ST8SIA1: variants seen among roughly 807,000 people sequenced by gnomAD.
ST8SIA1 encodes the protein ST8 alpha-N-acetyl-neuraminide alpha-2,8-sialyltransferase 1, also known as alpha-N-acetylneuraminide alpha-2,8-sialyltransferase.
A neutral mutation model predicts 35.9 loss-of-function variants in ST8SIA1; 16 were observed. That is an observed-to-expected ratio of 0.45 (90% CI 0.30 to 0.68). ST8SIA1 has a LOEUF of 0.68. ST8SIA1 is among the 30% of genes least tolerant of loss of function. The pLI is 0.09. For synonymous variants in ST8SIA1, 170 were observed against 169.6 expected (o/e 1.00, Z -0.02); for missense variants, 383 against 453.6 (o/e 0.84, Z 1.41).
chr12:22,292,578 G>C (rs1009110789), intron 1 of ST8SIA1, among the ~76,000 whole-genome samples: 1 of 151,978 alleles, frequency 6.6e-6, no homozygotes, highest in Non-Finnish European at 1.5e-5. Flanking sequence ...CCATAAAAAG[G>C]AGGAAATCAT....
chr12:22,306,168 C>T (rs1408352464), intron 1 of ST8SIA1, among the ~76,000 whole-genome samples: 1 of 152,128 alleles, frequency 6.6e-6, no homozygotes, highest in Non-Finnish European at 1.5e-5. Context: ...TTACATCTTA[C>T]ATATGTTGAT....
chr12:22,333,818 G>A (rs952697834), intron 1 of ST8SIA1, 179 bp downstream of exon 1: 1 of 774,848 alleles, frequency 1.3e-6, no homozygotes, highest in African/African-American at 1.7e-5. Flanking sequence ...GGGTGGGGAA[G>A]GAACCCTGAC....
chr12:22,319,457 C>T (rs1454689931), intron 1 of ST8SIA1, among the ~76,000 whole-genome samples: 4 of 152,186 alleles, frequency 2.6e-5, no homozygotes, highest in African/African-American at 4.8e-5. Flanking sequence ...ACCTGATACA[C>T]GAGGAGCAAT....
chr12:22,273,895 A>C (rs922635446), intron 2 of ST8SIA1, among the ~76,000 whole-genome samples: 5 of 152,172 alleles, frequency 3.3e-5, no homozygotes, highest in African/African-American at 1.2e-4. Context: ...AAGAGAAGGC[A>C]ACTTCAATCA....
At chr12:22,317,496 C>T (rs1009023084) in intron 1 of ST8SIA1, among the ~76,000 whole-genome samples, 1 of 152,294 alleles carries the variant, frequency 6.6e-6, no homozygotes, top group African/African-American at 2.4e-5. Flanking sequence ...CTAAAGGATA[C>T]GCTTCCTAGT....
chr12:22,226,337 T>C (rs57888676), intron 4 of ST8SIA1, among the ~76,000 whole-genome samples: 31,694 of 152,040 alleles, frequency 0.21, 3,592 homozygotes, highest in South Asian at 0.33. Context: ...ATTTTTCTGA[T>C]TGGATGCTTG....
rs143601132 is a variant in ST8SIA1 at position 22,194,310 on chromosome 12, C to T, written c.*7242G>A. On this transcript the variant is annotated 3_prime_UTR_variant, in exon 5 of 5. Transcript: ENST00000396037. The stretch of plus-strand genomic sequence containing the variant: ...ACATTAATCCTCTTGCAGTTATCAC[C>T]TATGGAGCTTCCTACTAGAAGGTTC... 3.9e-4 allele frequency: 59 copies of T among 152,270 alleles called. No homozygotes were observed. Among genetic ancestry groups the T allele is most frequent in the East Asian group, 2.7e-3 (14 of 5,174 alleles). The allele number at this position is 152,270 out of a possible 1,614,324, so 9.4% of individuals were successfully genotyped here.
chr12:22,325,996 GC>G, intron 1 of ST8SIA1: 2 of 630,618 alleles, frequency 3.2e-6, no homozygotes, highest in Admixed American at 5.5e-5. Context: ...ATCTCATCAC[GC>G]TACTCAAAAC....
chr12:22,274,936 T>C (rs56904404), intron 2 of ST8SIA1, among the ~76,000 whole-genome samples: 5,895 of 152,314 alleles, frequency 0.039, 399 homozygotes, highest in African/African-American at 0.13. Flanking sequence ...GTAACTGTTA[T>C]TCAATAACAA....
intron 4 of ST8SIA1, chr12:22,223,785 C>A: frequency 8.0e-7 from 1 of 1,255,862 alleles, no homozygotes; most frequent in Middle Eastern, 2.2e-4. Flanking sequence ...TTTAAATAAA[C>A]CCATTTATGC....
At chr12:22,252,556 G>A (rs545912983) in intron 3 of ST8SIA1, among the ~76,000 whole-genome samples, 3 of 152,206 alleles carry the variant, frequency 2.0e-5, no homozygotes, top group South Asian at 4.1e-4. Flanking sequence ...AAAGGCATAC[G>A]CATACATAGT....
intron 2 of ST8SIA1, among the ~76,000 whole-genome samples, chr12:22,262,031 G>A (rs1475392908): frequency 6.6e-6 from 1 of 152,184 alleles, no homozygotes; most frequent in Non-Finnish European, 1.5e-5. Context: ...TTTCTCTGAG[G>A]AATTAACATT....
intron 4 of ST8SIA1, among the ~76,000 whole-genome samples, chr12:22,227,487 T>C (rs1865372565): frequency 6.6e-6 from 1 of 152,046 alleles, no homozygotes; most frequent in Middle Eastern, 3.4e-3. Context: ...GGCAGGAGAA[T>C]TGCTGAACCC....
intron 1 of ST8SIA1, among the ~76,000 whole-genome samples, chr12:22,302,327 C>T (rs1370123471): frequency 6.6e-6 from 1 of 152,140 alleles, no homozygotes; most frequent in Admixed American, 6.5e-5. Flanking sequence ...ATTTAGACAA[C>T]TTAAATAAAC....
At chr12:22,284,228 C>T (rs903433359) in intron 2 of ST8SIA1, among the ~76,000 whole-genome samples, 10 of 151,982 alleles carry the variant, frequency 6.6e-5, no homozygotes, top group South Asian at 2.1e-4. Flanking sequence ...CTAACATATA[C>T]GGAGTATTTA....
intron 4 of ST8SIA1, among the ~76,000 whole-genome samples, chr12:22,223,074 C>T (rs74464593): frequency 0.013 from 2,050 of 152,198 alleles, 57 homozygotes; most frequent in African/African-American, 0.047. Context: ...ATTTAACAAA[C>T]ATGTGTTTGC....
chr12:22,272,732 G>C (rs545516781), intron 2 of ST8SIA1, among the ~76,000 whole-genome samples: 1 of 152,218 alleles, frequency 6.6e-6, no homozygotes, highest in Admixed American at 6.5e-5. Context: ...GAGCACCAAG[G>C]CTCCAACACA....
chr12:22,275,578 G>C (rs1865959850), intron 2 of ST8SIA1, among the ~76,000 whole-genome samples: 1 of 152,192 alleles, frequency 6.6e-6, no homozygotes, highest in African/African-American at 2.4e-5. Context: ...TGAGGAGCTG[G>C]AGGAAGCAGA....
chr12:22,325,361 ATG>A (rs1866661619), intron 1 of ST8SIA1: 1 of 690,604 alleles, frequency 1.4e-6, no homozygotes, highest in African/African-American at 1.8e-5. Context: ...AAAATGGAGA[ATG>A]TGTGGCTCTG....
Sources: gnomAD v4.1 joint callset for allele counts (sites outside exome capture counted in the v4.1 genomes callset) on GRCh38, gnomAD v4.1.1 for gene constraint, MANE v1.5 for transcripts, NCBI Gene and HGNC (gene_info 2026-07-23, HGNC 2026-07-21) for gene names.